The following CHRNA1 variants were observed in gnomAD, a reference collection of about 807,000 sequenced individuals.
CHRNA1 encodes acetylcholine receptor subunit alpha.
CHRNA1 carries 35 observed loss-of-function variants against 47.1 expected under a neutral mutation model. That is an observed-to-expected ratio of 0.74 (90% CI 0.57 to 0.99). The LOEUF (loss-of-function observed/expected upper bound fraction) is 0.99, where lower values mean the gene tolerates loss of function less well. Ranked by LOEUF, CHRNA1 falls within the 50% of genes least tolerant of loss-of-function variation. CHRNA1 has a pLI of 0.00. For missense variants in CHRNA1, 506 were observed against 591.1 expected (o/e 0.86, Z 1.49); for synonymous variants, 229 against 223.6 (o/e 1.02, Z -0.22).
intron 4 of CHRNA1, among the ~76,000 whole-genome samples, chr2:174,755,207 G>A (rs1277166753): frequency 6.6e-6 from 1 of 151,996 alleles, no homozygotes; most frequent in African/African-American, 2.4e-5. Context: ...TTTAAAGAAC[G>A]ATTTAGAACT....
At chr2:174,759,310 G>C (rs766791674) in intron 3 of CHRNA1, 21 bp downstream of exon 3, 2 of 1,613,242 alleles carry the variant, frequency 1.2e-6, no homozygotes, top group Non-Finnish European at 8.5e-7. Flanking sequence ...CGACACACAT[G>C]CAATTATCTG....
rs531534298 is a variant in CHRNA1, at chr2:174,753,606, G to C, written c.675C>G (p.Phe225Leu). The change falls in exon 6 of 9, where the codon TTC becomes TTG. Residue 225 changes from phenylalanine to leucine, a missense_variant. Phe to Leu is a conservative substitution (Grantham distance 22). Transcript: ENST00000348749. Reference sequence around the variant, plus strand: ...AGTAGAGGGGCAGGCGCTGCATGACGAAGTGGTAGGTGATGTCCAGGTAGG... The same window carrying C: ...AGTAGAGGGGCAGGCGCTGCATGACCAAGTGGTAGGTGATGTCCAGGTAGG... Reference protein sequence around the residue: ...DTPYLDITYHFVMQRLPLYFI... With the variant: ...DTPYLDITYHLVMQRLPLYFI... 6.2e-7 allele frequency: 1 copy of C among 1,614,162 alleles called. No homozygotes were observed. Among genetic ancestry groups the C allele is most frequent in the East Asian group, 2.2e-5 (1 of 44,884 alleles).
At chr2:174,753,340 ACT>A (rs919475875) in intron 6 of CHRNA1, 161 bp downstream of exon 6, 3 of 801,466 alleles carry the variant, frequency 3.7e-6, no homozygotes, top group African/African-American at 1.7e-5. Flanking sequence ...ACTCACAGTG[ACT>A]CTCACCACTG....
In CHRNA1 at chr2:174,764,339, C is replaced by T. The variant is rs764935709; in HGVS notation, c.43+13G>A. The T allele has an allele frequency of 8.1e-6, 13 of 1,612,600 alleles. No homozygotes were observed. The highest frequency in any genetic ancestry group is 1.1e-5 in the Non-Finnish European group (13 of 1,179,432). On this transcript the variant is annotated intron_variant, in intron 1 of 8. Coordinates refer to ENST00000348749, the MANE Select transcript of CHRNA1 (RefSeq NM_000079.4). ...AGGAGAGCCCTCTCCCCACCCCTGA[C>T]CCCAGCACTTACCTGAGCAAAGGCT... is the stretch of plus-strand genomic sequence containing the variant.
intron 4 of CHRNA1, among the ~76,000 whole-genome samples, chr2:174,754,783 G>T (rs1041376905): frequency 1.3e-5 from 2 of 151,006 alleles, no homozygotes; most frequent in African/African-American, 4.9e-5. Flanking sequence ...TCACCTCCCT[G>T]ATGTACTATG....
Position 174,753,633 on chromosome 2 carries a change from G to C in CHRNA1, c.648C>G (p.Thr216=), listed in dbSNP as rs759534966. ...AGTGGTAGGTGATGTCCAGGTAGGG[G>C]GTGTCGGGGCAGCAGGAATAGGTCA... ...HSVTYSCCPD[T]PYLDITYHFV... Residue 216 remains threonine (T), a synonymous_variant, in exon 6 of 9, where the codon ACC becomes ACG. Transcript: ENST00000348749. The C allele has an allele frequency of 1.3e-5, 21 of 1,613,988 alleles. No homozygotes were observed. The Admixed American group carries it at 2.5e-4, about 19-fold the overall frequency.
chr2:174,755,502 C>A (rs1487314888), intron 4 of CHRNA1, among the ~76,000 whole-genome samples: 1 of 151,804 alleles, frequency 6.6e-6, no homozygotes, highest in African/African-American at 2.4e-5. Flanking sequence ...TCACTGCAAG[C>A]TCTGTCTCCT....
rs1683789605 is a variant in CHRNA1 at position 174,748,827 on chromosome 2, A to G, written c.1003-8T>C. ...GATAGTGTCGATAAAAACCTAACATAAAAAAGAAATCCATGCATGAGAATT... is the reference window on the plus strand; with the variant it reads ...GATAGTGTCGATAAAAACCTAACATGAAAAAGAAATCCATGCATGAGAATT... On this transcript the variant is annotated splice_polypyrimidine_tract_variant and splice_region_variant and intron_variant, in intron 7 of 8. Transcript: ENST00000348749. 2 of 1,613,730 alleles carry G rather than the reference A, an allele frequency of 1.2e-6. No homozygotes were observed. Among genetic ancestry groups the G allele is most frequent in the Non-Finnish European group, 1.7e-6 (2 of 1,179,982 alleles).
Position 174,757,634 on chromosome 2 carries a change from A to G in CHRNA1, c.276T>C (p.Tyr92=). The G allele has an allele frequency of 6.2e-7, 1 of 1,614,206 alleles. No individual in the cohort carries two copies. Among genetic ancestry groups the G allele is most frequent in the Non-Finnish European group, 8.5e-7 (1 of 1,180,028 alleles). ...DYNLKWNPDD[Y]GGVKKIHIPS... ...GAATGTGAATTTTTTTCACACCGCC[A>G]TAGTCATCTGGATTCCATTTTAGGT... is the stretch of plus-strand genomic sequence containing the variant. The change falls in exon 4 of 9, where the codon TAT becomes TAC. Residue 92 remains tyrosine (Y), a synonymous_variant. Transcript: ENST00000348749.
intron 1 of CHRNA1, among the ~76,000 whole-genome samples, chr2:174,759,847 G>T (rs1684067323): frequency 6.6e-6 from 1 of 151,758 alleles, no homozygotes; most frequent in African/African-American, 2.4e-5. Flanking sequence ...GGTGACAGTG[G>T]GGTGTGCCAG....
intron 6 of CHRNA1, among the ~76,000 whole-genome samples, chr2:174,752,328 T>C (rs1207987017): frequency 6.6e-6 from 1 of 151,026 alleles, no homozygotes; most frequent in African/African-American, 2.5e-5. Flanking sequence ...CCCAGCACTT[T>C]GGGAGGCCGA....
At position 174,753,495 on chromosome 2, in the gene CHRNA1, A is replaced by G. The variant is rs1017622034; in HGVS notation, c.778+8T>C. 1 of 1,611,398 alleles carries G rather than the reference A, an allele frequency of 6.2e-7. No homozygotes were observed. On this transcript the variant is annotated splice_region_variant and intron_variant, in intron 6 of 8. Coordinates refer to ENST00000348749, the MANE Select transcript of CHRNA1 (RefSeq NM_000079.4). ...GTCAGCAGCAGCAGTCATGGCAACC[A>G]CACCCACCTGAGTCTGTGGGCAGGT...
chr2:174,748,932 T>C, intron 7 of CHRNA1, 113 bp from the exon 8 acceptor site: 1 of 1,369,144 alleles, frequency 7.3e-7, no homozygotes. Flanking sequence ...TTTTCTGGGC[T>C]TCAGCCTCCT....
intron 4 of CHRNA1, among the ~76,000 whole-genome samples, chr2:174,757,007 A>G (rs770454965): frequency 6.6e-6 from 1 of 152,180 alleles, no homozygotes; most frequent in Non-Finnish European, 1.5e-5. Context: ...CGTGGGGCCC[A>G]GTGGATGGGC....
At position 174,750,147 on chromosome 2, in the gene CHRNA1, G is replaced by A. The variant is rs1397059147; in HGVS notation, c.801C>T (p.Ile267=). ...ACACAGTCAAAGACAGTAAGACAGA[G>A]ATGCTCAGAGTCATCTTCTCCCCTG... The part of the protein sequence containing the change: ...TDSGEKMTLS[I]SVLLSLTVFL... The change falls in exon 7 of 9, where the codon ATC becomes ATT. Residue 267 remains isoleucine, a synonymous_variant. Transcript: ENST00000348749. 2.5e-6 allele frequency: 4 copies of A among 1,609,684 alleles called. No homozygotes were observed. The highest frequency in any genetic ancestry group is 3.4e-6 in the Non-Finnish European group (4 of 1,178,450).
At position 174,753,624 on chromosome 2, in the gene CHRNA1, C is replaced by G. The variant is rs375856493; in HGVS notation, c.657G>C (p.Leu219=). The change falls in exon 6 of 9, where the codon CTG becomes CTC. Residue 219 remains leucine (L), a synonymous_variant. Coordinates refer to ENST00000348749, the MANE Select transcript of CHRNA1 (RefSeq NM_000079.4). Reference sequence around the variant, plus strand: ...GCATGACGAAGTGGTAGGTGATGTCCAGGTAGGGGGTGTCGGGGCAGCAGG... The same window carrying G: ...GCATGACGAAGTGGTAGGTGATGTCGAGGTAGGGGGTGTCGGGGCAGCAGG... ...TYSCCPDTPY[L]DITYHFVMQR... is the part of the protein sequence containing the mutation. 1.5e-5 allele frequency: 25 copies of G among 1,613,930 alleles called. No homozygotes were observed. In the African/African-American group the frequency reaches 2.9e-4, roughly 19 times the overall value.
intron 4 of CHRNA1, among the ~76,000 whole-genome samples, chr2:174,757,046 A>C (rs1423961178): frequency 1.3e-5 from 2 of 152,208 alleles, no homozygotes; most frequent in Admixed American, 1.3e-4. Context: ...CAACAGCAGC[A>C]GTGGATGTCG....
Position 174,749,959 on chromosome 2 carries a change from T to C in CHRNA1, c.989A>G (p.Asn330Ser), listed in dbSNP as rs765124080. The C allele has an allele frequency of 9.9e-6, 16 of 1,613,826 alleles. No individual in the cohort carries two copies. The highest frequency in any genetic ancestry group is 1.2e-5 in the Non-Finnish European group (14 of 1,179,908). Residue 330 changes from asparagine (N) to serine (S), a missense_variant, in exon 7 of 9, where the codon AAC becomes AGC. By Grantham distance (46) the Asn-to-Ser change is conservative. Coordinates refer to ENST00000348749, the MANE Select transcript of CHRNA1 (RefSeq NM_000079.4). The part of the protein sequence containing the change: ...HRSPSTHVMP[N>S]WVRKVFIDTI... ...CTCCCCACTCACCTTCCGCACCCAG[T>C]TGGGCATGACATGGGTGCTGGGTGA...
At chr2:174,762,038 C>T (rs1684110390) in intron 1 of CHRNA1, among the ~76,000 whole-genome samples, 1 of 152,180 alleles carries the variant, frequency 6.6e-6, no homozygotes, top group African/African-American at 2.4e-5. Flanking sequence ...CCCTATGGCC[C>T]ACTAAGAGGA....
Sources: gnomAD v4.1 joint callset for allele counts (sites outside exome capture counted in the v4.1 genomes callset) on GRCh38, gnomAD v4.1.1 for gene constraint, MANE v1.5 for transcripts, NCBI Gene and HGNC (gene_info 2026-07-23, HGNC 2026-07-21) for gene names.